The following R3HCC1L variants were observed in gnomAD, a reference collection of about 807,000 sequenced individuals.
R3HCC1L encodes the protein R3H domain and coiled-coil containing 1 like.
In R3HCC1L, 51 loss-of-function variants were observed where a neutral mutation model predicts 59.9. The ratio of observed to expected loss-of-function variants is 0.85; its 90% CI spans 0.68 to 1.07. R3HCC1L has a LOEUF of 1.07. Ranked by LOEUF, R3HCC1L falls within the 50% of genes least tolerant of loss-of-function variation. R3HCC1L has a pLI of 0.00. For synonymous variants in R3HCC1L, 322 were observed against 315.2 expected, an observed-to-expected ratio of 1.02 and a Z score of -0.23; for missense variants, 965 against 933.0, an observed-to-expected ratio of 1.03 and a Z score of -0.45.
At chr10:98,204,789 G>A (rs1017392704) in intron 4 of R3HCC1L, among the ~76,000 whole-genome samples, 20 of 152,034 alleles carry the variant, frequency 1.3e-4, no homozygotes, top group Non-Finnish European at 2.5e-4. Flanking sequence ...ATCTTTTCCT[G>A]TGCCTAATTT....
chr10:98,181,128 C>G (rs903353935), intron 4 of R3HCC1L, among the ~76,000 whole-genome samples: 1 of 152,080 alleles, frequency 6.6e-6, no homozygotes, highest in African/African-American at 2.4e-5. Flanking sequence ...TTAGTTGATG[C>G]AGTTTCTTCC....
At chr10:98,231,265 G>A (rs1856352343) in intron 5 of R3HCC1L, among the ~76,000 whole-genome samples, 1 of 152,148 alleles carries the variant, frequency 6.6e-6, no homozygotes, top group African/African-American at 2.4e-5. Flanking sequence ...TGCAAGTTGA[G>A]TTTCATGCAT....
At chr10:98,207,538 T>C (rs1852830005) in intron 4 of R3HCC1L, among the ~76,000 whole-genome samples, 1 of 152,172 alleles carries the variant, frequency 6.6e-6, no homozygotes, top group Non-Finnish European at 1.5e-5. Flanking sequence ...AATAATACTT[T>C]TCTCTTTTTC....
chr10:98,209,133 CTGA>C lies in R3HCC1L; in HGVS notation c.1023_1025del (p.Asp341del). On this transcript the variant is annotated inframe_deletion, in exon 5 of 10. Coordinates refer to ENST00000298999, the MANE Select transcript of R3HCC1L (RefSeq NM_001351015.2). ...GAATGTGAGAAGAATGACAGCACTG[CTGA>C]TGAGTTACATGTAAAGCACGAACCT... 6.2e-7 allele frequency: 1 copy of C among 1,614,000 alleles called. No homozygotes were observed. The highest frequency in any genetic ancestry group is 8.5e-7 in the Non-Finnish European group (1 of 1,179,982).
intron 8 of R3HCC1L, among the ~76,000 whole-genome samples, chr10:98,235,735 G>A (rs569033029): frequency 3.0e-4 from 45 of 152,312 alleles, no homozygotes; most frequent in African/African-American, 1.0e-3. Flanking sequence ...CTAACTGCAG[G>A]CAATGCAGCA....
intron 5 of R3HCC1L, among the ~76,000 whole-genome samples, chr10:98,227,576 GTTT>G (rs11289626): frequency 5.7e-5 from 8 of 140,674 alleles, no homozygotes; most frequent in Non-Finnish European, 9.3e-5. Context: ...AGCAGTGTGT[GTTT>G]TTTTTTTTTT....
At chr10:98,155,457 G>A (rs1267574405) in intron 1 of R3HCC1L, among the ~76,000 whole-genome samples, 1 of 152,038 alleles carries the variant, frequency 6.6e-6, no homozygotes, top group East Asian at 1.9e-4. Flanking sequence ...AACTTTTTCT[G>A]TAGGATGTTC....
At chr10:98,203,025 T>C (rs1257612582) in intron 4 of R3HCC1L, among the ~76,000 whole-genome samples, 1 of 152,156 alleles carries the variant, frequency 6.6e-6, no homozygotes, top group Non-Finnish European at 1.5e-5. Context: ...AAGGGAAATA[T>C]TCTATAAAGG....
At chr10:98,134,762 C>G (rs910802017) in intron 1 of R3HCC1L, 56 bp downstream of exon 1, 1 of 152,246 alleles carries the variant, frequency 6.6e-6, no homozygotes, top group Non-Finnish European at 1.5e-5. Context: ...ATTTTTAATC[C>G]CCACTTCTCC....
intron 1 of R3HCC1L, among the ~76,000 whole-genome samples, chr10:98,153,970 G>T (rs1345880183): frequency 6.6e-6 from 1 of 152,140 alleles, no homozygotes. Context: ...GCAATCATCA[G>T]AAGGAGAAAG....
chr10:98,188,410 AG>A (rs1850465418), intron 4 of R3HCC1L, among the ~76,000 whole-genome samples: 3 of 152,204 alleles, frequency 2.0e-5, no homozygotes, highest in African/African-American at 7.2e-5. Context: ...GAGATCATTT[AG>A]AACTACATCT....
chr10:98,154,317 C>T (rs1846619058), intron 1 of R3HCC1L, among the ~76,000 whole-genome samples: 2 of 151,764 alleles, frequency 1.3e-5, no homozygotes, highest in Admixed American at 1.3e-4. Context: ...TTTTATTACC[C>T]TTTGTGGGCA....
chr10:98,185,910 A>G (rs150561427), intron 4 of R3HCC1L, among the ~76,000 whole-genome samples: 3 of 152,310 alleles, frequency 2.0e-5, no homozygotes, highest in South Asian at 2.1e-4. Flanking sequence ...AGGCATTTGT[A>G]TGTGTTGTTT....
rs1847632529 is a variant in R3HCC1L at position 98,163,372 on chromosome 10, C to T, written c.-40C>T. On this transcript the variant is annotated 5_prime_UTR_variant, in exon 4 of 10. Coordinates refer to ENST00000298999, the MANE Select transcript of R3HCC1L (RefSeq NM_001351015.2). ...ATCGGCATGTTGTAGAGTTTTATTA[C>T]TAAGAAAATAAATGTTACTTACATG... The T allele has an allele frequency of 7.5e-7, 1 of 1,339,748 alleles. No homozygotes were observed. Among genetic ancestry groups the T allele is most frequent in the Non-Finnish European group, 9.9e-7 (1 of 1,013,774 alleles). The allele number at this position is 1,339,748 out of a possible 1,614,324, so 83.0% of individuals were successfully genotyped here.
At chr10:98,211,059 A>G (rs1220133395) in intron 5 of R3HCC1L, among the ~76,000 whole-genome samples, 6 of 152,328 alleles carry the variant, frequency 3.9e-5, no homozygotes, top group Non-Finnish European at 5.9e-5. Flanking sequence ...AGGAAACACT[A>G]TATCTTAAAC....
Position 98,209,737 on chromosome 10 carries a change from T to G in R3HCC1L, c.1623T>G (p.Phe541Leu), listed in dbSNP as rs1294438975. The change falls in exon 5 of 10, where the codon TTT (phenylalanine) becomes TTG (leucine). Residue 541 changes from phenylalanine (F) to leucine (L), a missense_variant. Physicochemically the swap from Phe to Leu is conservative, Grantham distance 22. Coordinates refer to ENST00000298999, the MANE Select transcript of R3HCC1L (RefSeq NM_001351015.2). Reference sequence around the variant, plus strand: ...AAGATGACTCAGGGAGTATAGAATTTGGTGTATCTTTTCCTGATAGGGAAT... The same window carrying G: ...AAGATGACTCAGGGAGTATAGAATTGGGTGTATCTTTTCCTGATAGGGAAT... ...EEQDDSGSIE[F>L]GVSFPDRESS... The G allele has an allele frequency of 1.2e-6, 2 of 1,613,782 alleles. No homozygotes were observed. Among genetic ancestry groups the G allele is most frequent in the Non-Finnish European group, 1.7e-6 (2 of 1,179,868 alleles).
chr10:98,236,262 G>A (rs982176148), intron 9 of R3HCC1L, 98 bp downstream of exon 9: 99 of 1,466,588 alleles, frequency 6.8e-5, no homozygotes, highest in East Asian at 1.5e-4. Context: ...CATTTTTGTC[G>A]TTTCTGTTTC....
At chr10:98,213,550 C>T (rs1224385831) in intron 5 of R3HCC1L, among the ~76,000 whole-genome samples, 1 of 152,062 alleles carries the variant, frequency 6.6e-6, no homozygotes, top group Non-Finnish European at 1.5e-5. Flanking sequence ...GGGATTAGAT[C>T]CCCCAATGCT....
chr10:98,189,620 A>G (rs1365522204), intron 4 of R3HCC1L, among the ~76,000 whole-genome samples: 1 of 152,152 alleles, frequency 6.6e-6, no homozygotes, highest in Admixed American at 6.5e-5. Context: ...CCTGGTTTGA[A>G]TAGAAGTAAA....
Sources: allele counts gnomAD v4.1 joint callset (sites outside exome capture counted in the v4.1 genomes callset), GRCh38; gene constraint gnomAD v4.1.1; transcripts MANE v1.5; gene names NCBI Gene and HGNC (gene_info 2026-07-23, HGNC 2026-07-21).